The following MMP1 variants were observed in gnomAD, a reference collection of about 807,000 sequenced individuals.
The protein encoded by MMP1 is interstitial collagenase.
A neutral mutation model predicts 49.6 loss-of-function variants in MMP1; 51 were observed. The ratio of observed to expected loss-of-function variants is 1.03; its 90% CI spans 0.82 to 1.30. MMP1 has a LOEUF of 1.30. MMP1 is among the 50% of genes most tolerant of loss of function. The pLI, the probability that MMP1 is intolerant of heterozygous loss-of-function variation, is 0.00. For synonymous variants in MMP1, 230 were observed against 196.8 expected (o/e 1.17, Z -1.41); for missense variants, 623 against 568.7 (o/e 1.10, Z -0.97).
intron 6 of MMP1, chr11:102,793,164 G>A (rs17881394): frequency 6.6e-6 from 1 of 152,320 alleles, no homozygotes; most frequent in African/African-American, 2.4e-5. Context: ...CTCTCACCCA[G>A]GCTGGAGTGT....
intron 1 of MMP1, 107 bp from the exon 2 acceptor site, chr11:102,797,607 G>A: frequency 7.1e-7 from 1 of 1,401,258 alleles, no homozygotes; most frequent in East Asian, 2.3e-5. Context: ...TTTAAACCTT[G>A]TGTTTAGATT....
chr11:102,791,464 A>T lies in MMP1; in HGVS notation c.1065T>A (p.Asn355Lys). The change falls in exon 8 of 10, where the codon AAT becomes AAA. Residue 355 changes from asparagine to lysine, a missense_variant. By Grantham distance (94) the Asn-to-Lys change is moderately conservative. Coordinates refer to ENST00000315274, the MANE Select transcript of MMP1 (RefSeq NM_002421.4). ...GNKYWAVQGQ[N>K]VLHGYPKDIY... is the part of the protein sequence containing the mutation. ...TGTCCTTGGGGTATCCGTGTAGCAC[A>T]TTCTGTCCCTGAACAGCCCAGTACT... is the stretch of plus-strand genomic sequence containing the variant. 1.2e-6 allele frequency: 2 copies of T among 1,613,974 alleles called. No individual in the cohort carries two copies. Among genetic ancestry groups the T allele is most frequent in the African/African-American group, 2.7e-5 (2 of 75,064 alleles).
intron 3 of MMP1, 68 bp from the exon 4 acceptor site, chr11:102,796,857 T>C: frequency 6.3e-7 from 1 of 1,575,646 alleles, no homozygotes; most frequent in South Asian, 1.2e-5. Flanking sequence ...GGGCAAGCAT[T>C]AGCTTTGTTA....
chr11:102,796,570 T>G, intron 4 of MMP1, 94 bp downstream of exon 4: 1 of 1,412,694 alleles, frequency 7.1e-7, no homozygotes, highest in Non-Finnish European at 9.5e-7. Context: ...AAATATATAC[T>G]TCTATGAATG....
intron 6 of MMP1, among the ~76,000 whole-genome samples, chr11:102,793,937 C>T (rs757197212): frequency 2.6e-5 from 4 of 152,220 alleles, no homozygotes; most frequent in Non-Finnish European, 5.9e-5. Context: ...GCTGTGATGC[C>T]TTAGGCAAAT....
chr11:102,790,063 C>A lies in MMP1; in HGVS notation c.*349G>T, dbSNP rs1430785635. The A allele has an allele frequency of 6.1e-6, 1 of 165,218 alleles. No homozygotes were observed. The highest frequency in any genetic ancestry group is 1.3e-5 in the Non-Finnish European group (1 of 77,044). The allele number at this position is 165,218 out of a possible 1,614,324, so 10.2% of individuals were successfully genotyped here. The stretch of plus-strand genomic sequence containing the variant: ...CTTTTCCTCCGGCAAAGACTCATGT[C>A]TCCTGTCTCTTTCTGTCTTGAAAGG... On this transcript the variant is annotated 3_prime_UTR_variant, in exon 10 of 10. Coordinates refer to ENST00000315274, the MANE Select transcript of MMP1 (RefSeq NM_002421.4).
rs910181095 is a variant in MMP1, at chr11:102,794,942, T to C, written c.899+232A>G. Among the ~76,000 whole-genome samples the C allele has an allele frequency of 2.0e-5, 3 of 152,242 alleles. No individual in the cohort carries two copies. Among genetic ancestry groups the C allele is most frequent in the Admixed American group, 6.5e-5 (1 of 15,284 alleles). On this transcript the variant is annotated intron_variant, in intron 6 of 9. Transcript: ENST00000315274. The surrounding 1 kb of genome is among the most constrained non-coding windows in gnomAD (Gnocchi z 4.3). ...CTAATCTGTAAAAAAAGATCATACA[T>C]ACTGATTTTCAAAATCAACTATATT...
At chr11:102,796,539 A>T (rs1475354682) in intron 4 of MMP1, 125 bp downstream of exon 4, 1 of 1,163,598 alleles carries the variant, frequency 8.6e-7, no homozygotes, top group African/African-American at 1.6e-5. Context: ...TGTATCACTA[A>T]TTTTCTGAGT....
At position 102,791,416 on chromosome 11, in the gene MMP1, AG is replaced by A. The variant is rs767205570; in HGVS notation, c.1112del (p.Pro371LeufsTer4). ...CAGCATCGATATGCTTCACAGTTCTAGGGAAGCCAAAGGAGCTGTAGATGTC... is the reference window on the plus strand; with the variant it reads ...CAGCATCGATATGCTTCACAGTTCTAGGAAGCCAAAGGAGCTGTAGATGTC... Reference protein sequence around the residue: ...PKDIYSSFGFPRTVKHIDAAL... With the variant: ...PKDIYSSFGFXRTVKHIDAAL... On this transcript the variant is annotated frameshift_variant, in exon 8 of 10. Transcript: ENST00000315274. LOFTEE classifies it high-confidence loss of function. The A allele has an allele frequency of 1.2e-6, 2 of 1,614,034 alleles. No individual in the cohort carries two copies. Among genetic ancestry groups the A allele is most frequent in the South Asian group, 2.2e-5 (2 of 91,072 alleles).
chr11:102,795,723 T>G lies in MMP1; in HGVS notation c.626-116A>C, dbSNP rs866393925. 56 of 893,834 alleles carry G rather than the reference T, an allele frequency of 6.3e-5. No individual in the cohort carries two copies. The Middle Eastern group carries it at 2.4e-3, about 38-fold the overall frequency. 55.4% of individuals were successfully genotyped at this position (893,834 alleles called of 1,614,324 possible). On this transcript the variant is annotated intron_variant, in intron 4 of 9. Coordinates refer to ENST00000315274, the MANE Select transcript of MMP1 (RefSeq NM_002421.4). ...TCATGTTACTATTTTATCAGTGACT[T>G]TTGAAATATATGCATGTATATCTTT...
At chr11:102,792,781 G>T (rs1270882198) in intron 6 of MMP1, 43 bp from the exon 7 acceptor site, 16 of 1,582,216 alleles carry the variant, frequency 1.0e-5, no homozygotes, top group Non-Finnish European at 1.4e-5. Flanking sequence ...CTAATTTCTG[G>T]TAATCTCTGG....
At position 102,791,352 on chromosome 11, in the gene MMP1, C is replaced by A. The variant is rs1266396355; in HGVS notation, c.1177G>T (p.Val393Phe). Residue 393 changes from valine to phenylalanine, a missense_variant, in exon 8 of 10, where the codon GTT becomes TTT. Physicochemically the swap from Val to Phe is conservative, Grantham distance 50. Coordinates refer to ENST00000315274, the MANE Select transcript of MMP1 (RefSeq NM_002421.4). ...ACTTACCTCCAGTATTTGTTAGCAA[C>A]AAAGAAGTAGGTTTTTCCAGTGTTT... is the stretch of plus-strand genomic sequence containing the variant. ...EENTGKTYFF[V>F]ANKYWRYDEY... is the part of the protein sequence containing the mutation. 1 of 1,613,916 alleles carries A rather than the reference C, an allele frequency of 6.2e-7. No homozygotes were observed. Among genetic ancestry groups the A allele is most frequent in the South Asian group, 1.1e-5 (1 of 91,074 alleles).
At chr11:102,796,823 G>T (rs1235176768) in intron 3 of MMP1, 34 bp from the exon 4 acceptor site, 1 of 1,606,566 alleles carries the variant, frequency 6.2e-7, no homozygotes, top group Non-Finnish European at 8.5e-7. Context: ...ATTCCTTGTG[G>T]TTCTTATGTA....
rs1857980053 is a variant in MMP1, at chr11:102,790,032, G to C, written c.*380C>G. ...CACCAGTGACTGCACATGTGTTCTT[G>C]AGCTGCTTTTCCTCCGGCAAAGACT... On this transcript the variant is annotated 3_prime_UTR_variant, in exon 10 of 10. Coordinates refer to ENST00000315274, the MANE Select transcript of MMP1 (RefSeq NM_002421.4). The C allele has an allele frequency of 1.3e-5, 2 of 158,040 alleles. No individual in the cohort carries two copies. Among genetic ancestry groups the C allele is most frequent in the African/African-American group, 4.8e-5 (2 of 41,556 alleles). The allele number at this position is 158,040 out of a possible 1,614,324, so 9.8% of individuals were successfully genotyped here.
chr11:102,797,240 C>G lies in MMP1; in HGVS notation c.350+16G>C, dbSNP rs538195322. On this transcript the variant is annotated intron_variant, in intron 2 of 9. Coordinates refer to ENST00000315274, the MANE Select transcript of MMP1 (RefSeq NM_002421.4). ...ATGGGAAATAGCTCTCTCACTCTGGCCCTCAGTCTGCCTACCTGTAGGTCA... is the reference window on the plus strand; with the variant it reads ...ATGGGAAATAGCTCTCTCACTCTGGGCCTCAGTCTGCCTACCTGTAGGTCA... 1 of 1,614,026 alleles carries G rather than the reference C, an allele frequency of 6.2e-7. No homozygotes were observed. Among genetic ancestry groups the G allele is most frequent in the South Asian group, 1.1e-5 (1 of 91,056 alleles).
chr11:102,792,658 C>T lies in MMP1; in HGVS notation c.980G>A (p.Gly327Glu), dbSNP rs775721047. The T allele has an allele frequency of 1.9e-6, 3 of 1,613,844 alleles. No homozygotes were observed. The highest frequency in any genetic ancestry group is 2.5e-6 in the Non-Finnish European group (3 of 1,179,816). Residue 327 changes from glycine (G) to glutamate (E), a missense_variant, in exon 7 of 10, where the codon GGG (glycine) becomes GAG (glutamate). Gly to Glu is a moderately conservative substitution (Grantham distance 98, BLOSUM62 -2). Transcript: ENST00000315274. ...GGCAAATTCGTAAGCAGCTTCAAGC[C>T]CATTTGGCAGTTGTGGCCAGAAAAC... Reference protein sequence around the residue: ...ISVFWPQLPNGLEAAYEFADR... With the variant: ...ISVFWPQLPNELEAAYEFADR...
intron 7 of MMP1, 124 bp from the exon 8 acceptor site, chr11:102,791,619 T>A: frequency 9.6e-7 from 1 of 1,043,170 alleles, no homozygotes; most frequent in Non-Finnish European, 1.4e-6. Flanking sequence ...TAGAATCATC[T>A]AGGGAGATTT....
rs928401874 is a variant in MMP1, at chr11:102,794,994, T to C, written c.899+180A>G. ...TCTGAGAATCAGTTGACCTAATACATGTAGAAAAACAAAGTTGTTACAAGT... is the reference window on the plus strand; with the variant it reads ...TCTGAGAATCAGTTGACCTAATACACGTAGAAAAACAAAGTTGTTACAAGT... On this transcript the variant is annotated intron_variant, in intron 6 of 9. Transcript: ENST00000315274. The surrounding 1 kb of genome is among the most constrained non-coding windows in gnomAD (Gnocchi z 4.3). Among the ~76,000 whole-genome samples, 1 of 152,234 alleles carries C rather than the reference T, an allele frequency of 6.6e-6. No individual in the cohort carries two copies. Among genetic ancestry groups the C allele is most frequent in the African/African-American group, 2.4e-5 (1 of 41,458 alleles).
At chr11:102,792,235 G>A (rs1292402909) in intron 7 of MMP1, among the ~76,000 whole-genome samples, 1 of 152,146 alleles carries the variant, frequency 6.6e-6, no homozygotes, top group Non-Finnish European at 1.5e-5. Context: ...CTTACTCATT[G>A]TACTACGTTA....
Sources: gnomAD v4.1 joint callset for allele counts (sites outside exome capture counted in the v4.1 genomes callset) on GRCh38, gnomAD v4.1.1 for gene constraint, Gnocchi (gnomAD v3.1) non-coding constraint, MANE v1.5 for transcripts, NCBI Gene and HGNC (gene_info 2026-07-23, HGNC 2026-07-21) for gene names.